PCDHGA2: variants seen among roughly 807,000 people sequenced by gnomAD.
The protein encoded by PCDHGA2 is protocadherin gamma subfamily A, 2.
PCDHGA2 carries 40 observed loss-of-function variants against 59.2 expected under a neutral mutation model. That is an observed-to-expected ratio of 0.68 (90% CI 0.52 to 0.88). The LOEUF (loss-of-function observed/expected upper bound fraction) is 0.88. Among genes scored for constraint, PCDHGA2 ranks in the 40% least tolerant of loss-of-function variants. The pLI is 0.00. For missense variants in PCDHGA2, 1,226 were observed against 1,204.0 expected (o/e 1.02, Z -0.27); for synonymous variants, 560 against 526.0 (o/e 1.06, Z -0.89).
chr5:141,348,891 A>G (rs1335094917), intron 1 of PCDHGA2, among the ~76,000 whole-genome samples: 1 of 152,108 alleles, frequency 6.6e-6, no homozygotes, highest in African/African-American at 2.4e-5. Flanking sequence ...CTCATTTGGT[A>G]ATGCATTTGA....
intron 1 of PCDHGA2, chr5:141,415,308 C>A: frequency 6.2e-7 from 1 of 1,614,236 alleles, no homozygotes; most frequent in Non-Finnish European, 8.5e-7. Context: ...TCCTGGCCTT[C>A]GTCATCGTGC....
chr5:141,392,942 C>T, intron 1 of PCDHGA2: 2 of 1,613,954 alleles, frequency 1.2e-6, no homozygotes, highest in Non-Finnish European at 1.7e-6. Context: ...ACAAAGGCTC[C>T]TTCGTGGGTA....
chr5:141,338,997 A>G lies in PCDHGA2; in HGVS notation c.26A>G (p.His9Arg), dbSNP rs757049710. The G allele has an allele frequency of 5.7e-5, 88 of 1,548,914 alleles. 3 individuals carry two copies. In the Admixed American group the frequency reaches 1.8e-3, roughly 31 times the overall value. Residue 9 changes from histidine (H) to arginine (R), a missense_variant, in exon 1 of 4, where the codon CAC (histidine) becomes CGC (arginine). Physicochemically the swap from His to Arg is conservative, Grantham distance 29. Coordinates refer to ENST00000394576, the MANE Select transcript of PCDHGA2 (RefSeq NM_018915.4). The part of the protein sequence containing the change: MAALQKLP[H>R]CRKLVLLCFL... ...ATGGCGGCTCTGCAAAAGTTGCCAC[A>G]CTGCAGAAAGCTGGTCCTGCTGTGC...
chr5:141,391,176 T>C (rs562307508), intron 1 of PCDHGA2: 1 of 152,322 alleles, frequency 6.6e-6, no homozygotes, highest in African/African-American at 2.4e-5. Context: ...ACTGCCAATC[T>C]GGTGTGCATA....
At chr5:141,350,243 C>G (rs750200716) in intron 1 of PCDHGA2, 2 of 1,505,416 alleles carry the variant, frequency 1.3e-6, no homozygotes, top group Non-Finnish European at 1.8e-6. Context: ...GAAAGAAGCT[C>G]CGCGGAGAGT....
At chr5:141,375,501 C>T in intron 1 of PCDHGA2, 1 of 1,614,040 alleles carries the variant, frequency 6.2e-7, no homozygotes, top group Non-Finnish European at 8.5e-7. Flanking sequence ...TCCATCTTCT[C>T]TGTGAATGCA....
intron 1 of PCDHGA2, chr5:141,346,307 C>T (rs956527393): frequency 6.2e-7 from 1 of 1,614,222 alleles, no homozygotes; most frequent in African/African-American, 1.3e-5. Flanking sequence ...ACGAGGTCTC[C>T]CTCACTGCGG....
In PCDHGA2 at chr5:141,376,256, C is replaced by T. The variant is rs576537938; in HGVS notation, c.2424+34861C>T. ...GCAGCGCTGGCACAAGTCACGCCTG[C>T]TGCAGGCTTCGGGAGGTGGCTTAGC... On this transcript the variant is annotated intron_variant, in intron 1 of 3. Transcript: ENST00000394576. 8 of 1,614,228 alleles carry T rather than the reference C, an allele frequency of 5.0e-6. No homozygotes were observed. The East Asian group carries it at 1.8e-4, about 36-fold the overall frequency.
intron 1 of PCDHGA2, among the ~76,000 whole-genome samples, chr5:141,472,437 G>A (rs1332528325): frequency 6.6e-6 from 1 of 152,116 alleles, no homozygotes; most frequent in Non-Finnish European, 1.5e-5. Flanking sequence ...CTACTAGGGA[G>A]GCTGAGGCAG....
At chr5:141,375,865 GGACA>G in intron 1 of PCDHGA2, 2 of 1,613,976 alleles carry the variant, frequency 1.2e-6, no homozygotes. Context: ...TGGTGGCGGT[GGACA>G]GAGACTCGGG....
At chr5:141,384,210 C>A in intron 1 of PCDHGA2, 1 of 1,613,886 alleles carries the variant, frequency 6.2e-7, no homozygotes, top group Admixed American at 1.7e-5. Flanking sequence ...GGGAAACTCA[C>A]ATATTCATGC....
chr5:141,500,184 TTTTA>T (rs58019021), intron 2 of PCDHGA2, among the ~76,000 whole-genome samples: 6,359 of 135,894 alleles, frequency 0.047, 285 homozygotes, highest in African/African-American at 0.12. Context: ...TCATTTTTAT[TTTTA>T]TTTATTTATT....
intron 1 of PCDHGA2, chr5:141,420,054 G>A (rs1355002535): frequency 6.2e-7 from 1 of 1,614,070 alleles, no homozygotes; most frequent in East Asian, 2.2e-5. Context: ...TCAGTTCTCT[G>A]CTCCAAGTCC....
At chr5:141,372,146 T>A (rs371379465) in intron 1 of PCDHGA2, 1 of 1,613,620 alleles carries the variant, frequency 6.2e-7, no homozygotes, top group Non-Finnish European at 8.5e-7. Context: ...CTGCAGAGCC[T>A]GGCTACCTGG....
At chr5:141,495,480 C>A (rs2099761689) in intron 2 of PCDHGA2, among the ~76,000 whole-genome samples, 1 of 152,208 alleles carries the variant, frequency 6.6e-6, no homozygotes, top group African/African-American at 2.4e-5. Flanking sequence ...CGTGTCTCTG[C>A]CCCTTTTTCT....
chr5:141,378,119 G>A (rs1412148490), intron 1 of PCDHGA2: 1 of 152,132 alleles, frequency 6.6e-6, no homozygotes, highest in East Asian at 1.9e-4. Context: ...TAGTGAACAC[G>A]TATTTGTTGA....
intron 1 of PCDHGA2, chr5:141,350,994 G>A: frequency 1.2e-6 from 2 of 1,614,076 alleles, no homozygotes; most frequent in South Asian, 1.1e-5. Flanking sequence ...GAGGTATACA[G>A]GGTTAGCCTC....
chr5:141,414,725 T>C (rs1303775655), intron 1 of PCDHGA2: 8 of 1,613,970 alleles, frequency 5.0e-6, no homozygotes, highest in African/African-American at 1.3e-5. Flanking sequence ...GACACTGGCG[T>C]CCTGTATGCA....
intron 1 of PCDHGA2, among the ~76,000 whole-genome samples, chr5:141,458,298 A>G (rs2098942125): frequency 6.6e-6 from 1 of 152,178 alleles, no homozygotes; most frequent in African/African-American, 2.4e-5. Context: ...ATGCTGGTTT[A>G]GATAAAATGA....
Sources: allele counts gnomAD v4.1 joint callset (sites outside exome capture counted in the v4.1 genomes callset), GRCh38; gene constraint gnomAD v4.1.1; transcripts MANE v1.5; gene names NCBI Gene and HGNC (gene_info 2026-07-23, HGNC 2026-07-21).